Variants in RSBN1L observed in about 807,000 individuals in gnomAD.
The protein encoded by RSBN1L is lysine-specific demethylase RSBN1L.
A neutral mutation model predicts 67.7 loss-of-function variants in RSBN1L; 30 were observed. The ratio of observed to expected loss-of-function variants is 0.44; its 90% CI spans 0.33 to 0.60. RSBN1L has a LOEUF of 0.60. RSBN1L is among the 20% of genes least tolerant of loss of function. The pLI, the probability that RSBN1L is intolerant of heterozygous loss-of-function variation, is 0.02. For synonymous variants in RSBN1L, 433 were observed against 387.0 expected (o/e 1.12, Z -1.39); for missense variants, 992 against 1,031.7 (o/e 0.96, Z 0.53).
chr7:77,763,193 G>C (rs1289867612), intron 3 of RSBN1L, among the ~76,000 whole-genome samples: 1 of 142,366 alleles, frequency 7.0e-6, no homozygotes, highest in East Asian at 2.0e-4. Flanking sequence ...TGCTCAGGCA[G>C]ATCTTGAACT....
intron 5 of RSBN1L, among the ~76,000 whole-genome samples, chr7:77,772,323 G>C (rs1372017536): frequency 6.6e-6 from 1 of 152,206 alleles, no homozygotes; most frequent in Non-Finnish European, 1.5e-5. Flanking sequence ...AGACAATTAT[G>C]GGGGTAATAC....
At chr7:77,744,597 T>C (rs1049889592) in intron 2 of RSBN1L, among the ~76,000 whole-genome samples, 16 of 151,944 alleles carry the variant, frequency 1.1e-4, no homozygotes, top group Middle Eastern at 6.8e-3. Context: ...TTCATATTTT[T>C]AGTAGAGACG....
intron 1 of RSBN1L, among the ~76,000 whole-genome samples, chr7:77,721,226 G>GT (rs551342749): frequency 0.088 from 12,497 of 141,436 alleles, 523 homozygotes; most frequent in Middle Eastern, 0.11. Context: ...TGGTAATTTT[G>GT]TTTTTTTTTT....
At chr7:77,702,613 T>C (rs1790833503) in intron 1 of RSBN1L, among the ~76,000 whole-genome samples, 1 of 152,216 alleles carries the variant, frequency 6.6e-6, no homozygotes, top group Non-Finnish European at 1.5e-5. Flanking sequence ...TTAATTTTCC[T>C]GTCTCTTTGT....
rs1791954307 is a variant in RSBN1L at position 77,778,876 on chromosome 7, AGC to A, written c.2250_2251del (p.Gln751AspfsTer2). ...AAACTTCATTCTAAATATGAATTACAGCAGATTAAACATGAACCTATTGCATC... is the reference window on the plus strand; with the variant it reads ...AAACTTCATTCTAAATATGAATTACAAGATTAAACATGAACCTATTGCATC... On this transcript the variant is annotated frameshift_variant, in exon 8 of 8. Transcript: ENST00000334955. LOFTEE classifies it high-confidence loss of function. The A allele has an allele frequency of 6.2e-7, 1 of 1,613,882 alleles. No homozygotes were observed. Among genetic ancestry groups the A allele is most frequent in the African/African-American group, 1.3e-5 (1 of 74,938 alleles).
At chr7:77,720,608 C>G (rs1466414222) in intron 1 of RSBN1L, among the ~76,000 whole-genome samples, 1 of 152,060 alleles carries the variant, frequency 6.6e-6, no homozygotes, top group African/African-American at 2.4e-5. Flanking sequence ...GATGAGATTA[C>G]TGAGGCACAA....
chr7:77,766,318 C>T (rs1432940892), intron 4 of RSBN1L, among the ~76,000 whole-genome samples: 2 of 152,130 alleles, frequency 1.3e-5, no homozygotes, highest in African/African-American at 2.4e-5. Context: ...CCAAGTACCT[C>T]GGATTACAGG....
At chr7:77,704,141 C>T (rs1790857969) in intron 1 of RSBN1L, among the ~76,000 whole-genome samples, 1 of 152,156 alleles carries the variant, frequency 6.6e-6, no homozygotes, top group African/African-American at 2.4e-5. Context: ...TCACTGAATT[C>T]ACAAGTAAGT....
chr7:77,706,327 T>C (rs954453613), intron 1 of RSBN1L, among the ~76,000 whole-genome samples: 17 of 152,004 alleles, frequency 1.1e-4, no homozygotes, highest in African/African-American at 4.1e-4. Context: ...CTGCCTGCCT[T>C]GGCCTCCCAA....
chr7:77,723,474 A>G (rs117300438), intron 1 of RSBN1L, among the ~76,000 whole-genome samples: 1,849 of 152,114 alleles, frequency 0.012, 16 homozygotes, highest in Middle Eastern at 0.034. Context: ...TTTTAATTCT[A>G]ATTTTAATTT....
chr7:77,775,367 T>A (rs1791899976), intron 6 of RSBN1L, among the ~76,000 whole-genome samples: 1 of 151,922 alleles, frequency 6.6e-6, no homozygotes, highest in Non-Finnish European at 1.5e-5. Flanking sequence ...AAACCTTGCC[T>A]CTCCTAAAAA....
intron 2 of RSBN1L, among the ~76,000 whole-genome samples, chr7:77,737,675 G>GA (rs1791355041): frequency 6.6e-6 from 1 of 152,102 alleles, no homozygotes; most frequent in South Asian, 2.1e-4. Flanking sequence ...TTTGAGGCAG[G>GA]AATTGAATAT....
At chr7:77,701,525 CAAA>C (rs1790818195) in intron 1 of RSBN1L, among the ~76,000 whole-genome samples, 1 of 152,038 alleles carries the variant, frequency 6.6e-6, no homozygotes, top group Admixed American at 6.6e-5. Flanking sequence ...GTCTGATCTC[CAAA>C]AAGTTGTCTA....
At chr7:77,753,067 G>T (rs1791574325) in intron 3 of RSBN1L, among the ~76,000 whole-genome samples, 1 of 152,190 alleles carries the variant, frequency 6.6e-6, no homozygotes, top group Admixed American at 6.5e-5. Context: ...ATGGACATTT[G>T]AGTTGTTTCC....
intron 3 of RSBN1L, among the ~76,000 whole-genome samples, chr7:77,761,065 G>T (rs1238532426): frequency 6.6e-6 from 1 of 152,262 alleles, no homozygotes; most frequent in Non-Finnish European, 1.5e-5. Context: ...TCATCAGGAT[G>T]TGAGGTTTTC....
In RSBN1L at chr7:77,778,347, A is replaced by T. The variant is rs368149631; in HGVS notation, c.1803A>T (p.Gln601His). The change falls in exon 7 of 8, where the codon CAA becomes CAT. Residue 601 changes from glutamine to histidine, a missense_variant. Gln to His is a conservative substitution (Grantham distance 24). Around this residue, in one of 7 missense-constraint regions of RSBN1L, gnomAD observed 31 missense variants for 24.5 expected, o/e 1.26. Coordinates refer to ENST00000334955, the MANE Select transcript of RSBN1L (RefSeq NM_198467.3). ...KAVHCGEWPD[Q>H]PRITKDVICF... is the part of the protein sequence containing the mutation. ...TCGTTTTCTTTTTTAGGCCTGATCA[A>T]CCCCGTATAACCAAAGATGTAATTT... The T allele has an allele frequency of 8.7e-6, 14 of 1,607,040 alleles. No individual in the cohort carries two copies. The highest frequency in any genetic ancestry group is 1.7e-4 in the Middle Eastern group (1 of 6,052).
rs541738323 is a variant in RSBN1L, at chr7:77,769,601, G to C, written c.1625+798G>C. On this transcript the variant is annotated intron_variant, in intron 5 of 7. Transcript: ENST00000334955. ...AACAATGCAGTGGCAATAGTATTTGGGGGGGAAGCGACATCAACAATGAGG... is the reference window on the plus strand; with the variant it reads ...AACAATGCAGTGGCAATAGTATTTGCGGGGGAAGCGACATCAACAATGAGG... Among the ~76,000 whole-genome samples, 21 of 152,274 alleles carry C rather than the reference G, an allele frequency of 1.4e-4. 1 individual carries two copies. The highest frequency in any genetic ancestry group is 1.9e-4 in the East Asian group (1 of 5,182).
intron 6 of RSBN1L, among the ~76,000 whole-genome samples, chr7:77,777,899 G>A (rs1791938496): frequency 6.6e-6 from 1 of 152,032 alleles, no homozygotes; most frequent in Admixed American, 6.5e-5. Flanking sequence ...TTATTTAAGA[G>A]TTTTATGCAT....
chr7:77,745,197 G>T (rs1302987642), intron 2 of RSBN1L, among the ~76,000 whole-genome samples: 1 of 151,564 alleles, frequency 6.6e-6, no homozygotes, highest in Non-Finnish European at 1.5e-5. Flanking sequence ...GGAGGCGGAG[G>T]TTGCAGTGAG....
Sources: gnomAD v4.1 joint callset for allele counts (sites outside exome capture counted in the v4.1 genomes callset) on GRCh38, gnomAD v4.1.1 for gene constraint, gnomAD v4.1.1 regional missense constraint, MANE v1.5 for transcripts, NCBI Gene and HGNC (gene_info 2026-07-23, HGNC 2026-07-21) for gene names.